The following WRN variants were observed in gnomAD, a reference collection of about 807,000 sequenced individuals.
WRN encodes WRN RecQ like helicase.
Under a neutral mutation model 180.7 loss-of-function variants are expected in WRN, and 149 were observed. That is an observed-to-expected ratio of 0.82 (90% CI 0.72 to 0.94). The LOEUF (loss-of-function observed/expected upper bound fraction) is 0.94, where lower values mean the gene tolerates loss of function less well. WRN is among the 40% of genes least tolerant of loss of function. WRN has a pLI of 0.00. For synonymous variants in WRN, 548 were observed against 568.9 expected (o/e 0.96, Z 0.52); for missense variants, 1,661 against 1,700.1 (o/e 0.98, Z 0.40).
chr8:31,155,858 G>T (rs1803366242), intron 32 of WRN, among the ~76,000 whole-genome samples: 1 of 152,136 alleles, frequency 6.6e-6, no homozygotes, highest in Admixed American at 6.5e-5. Context: ...CCATCCACTA[G>T]TGCCTGTGTT....
chr8:31,122,957 G>A (rs1422167303), intron 21 of WRN, among the ~76,000 whole-genome samples: 2 of 148,268 alleles, frequency 1.3e-5, no homozygotes, highest in Admixed American at 6.9e-5. Flanking sequence ...ATCCCTTGAG[G>A]TAGAAAGAAT....
rs1585514384 is a variant in WRN, at chr8:31,141,481, G to A, written c.3019G>A (p.Gly1007Ser). 1.2e-6 allele frequency: 2 copies of A among 1,614,112 alleles called. No homozygotes were observed. Among genetic ancestry groups the A allele is most frequent in the Non-Finnish European group, 1.7e-6 (2 of 1,180,026 alleles). ...TCGCAGGCACAGTTTATTTGGCACT[G>A]GCAAGGATCAAACAGAGAGTTGGTG... The part of the protein sequence containing the change: ...QYRRHSLFGT[G>S]KDQTESWWKA... Residue 1007 changes from glycine (G) to serine (S), a missense_variant, in exon 25 of 35, where the codon GGC (glycine) becomes AGC (serine). By Grantham distance (56) the Gly-to-Ser change is moderately conservative. This residue lies in a region of WRN where 1,141 missense variants were observed against 1,149.4 expected (regional missense o/e 0.99). Coordinates refer to ENST00000298139, the MANE Select transcript of WRN (RefSeq NM_000553.6).
intron 18 of WRN, among the ~76,000 whole-genome samples, chr8:31,104,513 T>A (rs916914305): frequency 3.3e-5 from 5 of 152,246 alleles, no homozygotes; most frequent in African/African-American, 1.2e-4. Flanking sequence ...TTTCACAGAG[T>A]AAATATTTAA....
chr8:31,148,476 T>C (rs1802955158), intron 30 of WRN, among the ~76,000 whole-genome samples: 1 of 152,220 alleles, frequency 6.6e-6, no homozygotes, highest in African/African-American at 2.4e-5. Context: ...CTTTTCCCTC[T>C]AAGTTACAGA....
At chr8:31,135,934 T>G (rs1328830710) in intron 24 of WRN, among the ~76,000 whole-genome samples, 1 of 152,220 alleles carries the variant, frequency 6.6e-6, no homozygotes, top group Non-Finnish European at 1.5e-5. Flanking sequence ...CTCTTTATTC[T>G]AACACTTAGC....
At chr8:31,145,181 A>G (rs561882471) in intron 28 of WRN, among the ~76,000 whole-genome samples, 1 of 152,348 alleles carries the variant, frequency 6.6e-6, no homozygotes, top group East Asian at 1.9e-4. Context: ...TTGAATGTAG[A>G]CCAAATGCTT....
intron 23 of WRN, among the ~76,000 whole-genome samples, chr8:31,127,167 T>C (rs1801959062): frequency 1.3e-5 from 2 of 152,204 alleles, no homozygotes; most frequent in Non-Finnish European, 2.9e-5. Flanking sequence ...ATAATACCAA[T>C]TCTATAGCAT....
chr8:31,117,404 T>A (rs1456434744), intron 20 of WRN, among the ~76,000 whole-genome samples: 2 of 152,174 alleles, frequency 1.3e-5, no homozygotes, highest in Admixed American at 6.5e-5. Flanking sequence ...TGGATTGATT[T>A]GAAGAAGAGA....
At chr8:31,160,702 A>T (rs1333712434) in intron 33 of WRN, among the ~76,000 whole-genome samples, 1 of 152,166 alleles carries the variant, frequency 6.6e-6, no homozygotes, top group Non-Finnish European at 1.5e-5. Context: ...TAATTTGTGC[A>T]GGCTGGGCAC....
At chr8:31,135,396 G>C (rs1361331440) in intron 24 of WRN, among the ~76,000 whole-genome samples, 1 of 151,992 alleles carries the variant, frequency 6.6e-6, no homozygotes, top group Non-Finnish European at 1.5e-5. Flanking sequence ...TTTTCCACTA[G>C]TTATTAAACA....
At position 31,061,384 on chromosome 8, in the gene WRN, C is replaced by G. The variant is rs996366380; in HGVS notation, c.209+2119C>G. Among the ~76,000 whole-genome samples, 18 of 151,578 alleles carry G rather than the reference C, an allele frequency of 1.2e-4. 1 individual carries two copies. The highest frequency in any genetic ancestry group is 9.9e-4 in the Admixed American group (15 of 15,228). On this transcript the variant is annotated intron_variant, in intron 3 of 34. Transcript: ENST00000298139. ...CATTATTCATGTTTCTTTCAAAATT[C>G]TTGAACATATTTAGCATATTTTTAA... is the stretch of plus-strand genomic sequence containing the variant.
At chr8:31,145,836 A>C (rs1802836866) in intron 28 of WRN, among the ~76,000 whole-genome samples, 1 of 152,152 alleles carries the variant, frequency 6.6e-6, no homozygotes. Flanking sequence ...ATTCTTATTA[A>C]AATCAAGAGT....
chr8:31,165,323 T>A (rs1803811708), intron 33 of WRN, among the ~76,000 whole-genome samples: 1 of 152,046 alleles, frequency 6.6e-6, no homozygotes, highest in South Asian at 2.1e-4. Flanking sequence ...AGAAAATGAA[T>A]TTAATGGAAT....
At chr8:31,066,972 C>T (rs2130048347) in intron 5 of WRN, 61 bp from the exon 6 acceptor site, 1 of 1,588,370 alleles carries the variant, frequency 6.3e-7, no homozygotes, top group Non-Finnish European at 8.6e-7. Context: ...CATTTGATAT[C>T]ATTTGGTAAT....
intron 30 of WRN, among the ~76,000 whole-genome samples, chr8:31,149,405 A>G (rs1469741557): frequency 6.0e-5 from 9 of 149,446 alleles, no homozygotes; most frequent in Non-Finnish European, 1.3e-4. Flanking sequence ...TAAAAAAAAA[A>G]TAAAAAATAA....
chr8:31,090,239 G>A (rs1813693650), intron 13 of WRN, among the ~76,000 whole-genome samples: 1 of 150,662 alleles, frequency 6.6e-6, no homozygotes, highest in African/African-American at 2.4e-5. Context: ...TACTTTAGAT[G>A]TATGTAGTGA....
Position 31,090,954 on chromosome 8 carries a change from T to G in WRN, c.1829+12T>G, listed in dbSNP as rs1170602657. On this transcript the variant is annotated intron_variant, in intron 15 of 34. Transcript: ENST00000298139. ...GTGCTACAGCTTAAGTAAGTCATGT[T>G]ATCATTGCCACAATATCACCCTCTT... 1 of 1,581,870 alleles carries G rather than the reference T, an allele frequency of 6.3e-7. No individual in the cohort carries two copies. The highest frequency in any genetic ancestry group is 8.7e-7 in the Non-Finnish European group (1 of 1,151,162).
intron 5 of WRN, among the ~76,000 whole-genome samples, chr8:31,066,505 T>G (rs893144840): frequency 1.3e-5 from 2 of 152,172 alleles, no homozygotes; most frequent in Non-Finnish European, 2.9e-5. Flanking sequence ...TTCCTCCCAG[T>G]TCTTGGTACT....
At position 31,173,047 on chromosome 8, in the gene WRN, G is replaced by A; in HGVS notation, c.4244G>A (p.Ser1415Asn). ...RRLPVWFAKG[S>N]DTSKKLMDKT... ...TTACCTGTGTGGTTTGCCAAAGGAA[G>A]TGATACCAGCAAGAAATTAATGGAC... Residue 1415 changes from serine to asparagine, a missense_variant, in exon 35 of 35, where the codon AGT (serine) becomes AAT (asparagine). This residue lies in a region of WRN where 1,141 missense variants were observed against 1,149.4 expected (regional missense o/e 0.99). Coordinates refer to ENST00000298139, the MANE Select transcript of WRN (RefSeq NM_000553.6). 3 of 1,614,042 alleles carry A rather than the reference G, an allele frequency of 1.9e-6. No homozygotes were observed. Among genetic ancestry groups the A allele is most frequent in the Non-Finnish European group, 2.5e-6 (3 of 1,179,974 alleles).
Sources: gnomAD v4.1 joint callset for allele counts (sites outside exome capture counted in the v4.1 genomes callset) on GRCh38, gnomAD v4.1.1 for gene constraint, gnomAD v4.1.1 regional missense constraint, MANE v1.5 for transcripts, NCBI Gene and HGNC (gene_info 2026-07-23, HGNC 2026-07-21) for gene names.